Variants in FBXL7 observed in about 807,000 individuals in gnomAD.
FBXL7 encodes the protein F-box/LRR-repeat protein 7.
In FBXL7, 12 loss-of-function variants were observed where a neutral mutation model predicts 38.3. That is an observed-to-expected ratio of 0.31 (90% CI 0.20 to 0.51). The LOEUF (loss-of-function observed/expected upper bound fraction) is 0.51. Among genes scored for constraint, FBXL7 ranks in the 20% least tolerant of loss-of-function variants. The probability of loss-of-function intolerance (pLI) is 0.98; values close to 1 mark genes in which losing one functional copy is unlikely to be tolerated. For synonymous variants in FBXL7, 297 were observed against 300.9 expected, an observed-to-expected ratio of 0.99 and a Z score of 0.13; for missense variants, 567 against 676.4, an observed-to-expected ratio of 0.84 and a Z score of 1.79.
chr5:15,585,471 G>T (rs968981299), intron 1 of FBXL7, among the ~76,000 whole-genome samples: 1 of 152,152 alleles, frequency 6.6e-6, no homozygotes, highest in Admixed American at 6.5e-5. Context: ...AGAATGAACC[G>T]TTCAAAATTA....
intron 1 of FBXL7, among the ~76,000 whole-genome samples, chr5:15,548,138 GATCTA>G (rs1737970052): frequency 6.6e-6 from 1 of 152,126 alleles, no homozygotes. Flanking sequence ...TTCATTAACT[GATCTA>G]TTACCTTATA....
intron 2 of FBXL7, among the ~76,000 whole-genome samples, chr5:15,831,144 G>C (rs1051720714): frequency 2.6e-5 from 4 of 152,200 alleles, no homozygotes; most frequent in African/African-American, 9.7e-5. Flanking sequence ...TGGGACTGCA[G>C]CAGTCTTCTC....
chr5:15,630,747 A>G (rs889343039), intron 2 of FBXL7, among the ~76,000 whole-genome samples: 1 of 152,156 alleles, frequency 6.6e-6, no homozygotes, highest in Non-Finnish European at 1.5e-5. Flanking sequence ...GAAATTTACA[A>G]AGGTCTAAAA....
At chr5:15,875,106 G>A (rs1271455900) in intron 2 of FBXL7, among the ~76,000 whole-genome samples, 10 of 150,504 alleles carry the variant, frequency 6.6e-5, no homozygotes, top group South Asian at 2.1e-4. Context: ...CAGAAATAAC[G>A]TCACACATCT....
chr5:15,747,491 G>A (rs1338315028), intron 2 of FBXL7, among the ~76,000 whole-genome samples: 1 of 152,106 alleles, frequency 6.6e-6, no homozygotes, highest in Admixed American at 6.5e-5. Context: ...GGGTCAACCT[G>A]GCCATTAAAG....
intron 2 of FBXL7, among the ~76,000 whole-genome samples, chr5:15,849,020 C>G (rs965122078): frequency 6.6e-6 from 1 of 152,206 alleles, no homozygotes; most frequent in Non-Finnish European, 1.5e-5. Context: ...GTTCTTAGCG[C>G]TTAATGTATA....
At chr5:15,877,610 T>C (rs932884748) in intron 2 of FBXL7, among the ~76,000 whole-genome samples, 1 of 152,142 alleles carries the variant, frequency 6.6e-6, no homozygotes, top group African/African-American at 2.4e-5. Flanking sequence ...GAGCCATCTC[T>C]CTGTAGGTAG....
chr5:15,833,343 T>C (rs1487899136), intron 2 of FBXL7, among the ~76,000 whole-genome samples: 1 of 152,190 alleles, frequency 6.6e-6, no homozygotes, highest in Non-Finnish European at 1.5e-5. Context: ...ATAAGGGCAC[T>C]CGTCTCATTC....
rs143528181 is a variant in FBXL7 at position 15,916,636 on chromosome 5, A to G, written c.128-11254A>G. On this transcript the variant is annotated intron_variant, in intron 2 of 3. Coordinates refer to ENST00000504595, the MANE Select transcript of FBXL7 (RefSeq NM_012304.5). ...AAAAATTTCAAGGAGAATGCAGTCT[A>G]CCATATCCGAGGAAAACAAATTTCA... Among the ~76,000 whole-genome samples the G allele has an allele frequency of 2.8e-3, 421 of 152,360 alleles. 3 individuals carry two copies. The highest frequency in any genetic ancestry group is 9.5e-3 in the African/African-American group (397 of 41,582).
intron 1 of FBXL7, among the ~76,000 whole-genome samples, chr5:15,539,813 C>A (rs1335201692): frequency 2.6e-5 from 4 of 151,812 alleles, no homozygotes; most frequent in Non-Finnish European, 5.9e-5. Flanking sequence ...GATTATTCTT[C>A]TAAAAACTCT....
At chr5:15,540,836 C>A (rs976940717) in intron 1 of FBXL7, among the ~76,000 whole-genome samples, 8 of 151,974 alleles carry the variant, frequency 5.3e-5, no homozygotes, top group African/African-American at 1.9e-4. Context: ...GGGCACTGAT[C>A]CCATTCATGA....
chr5:15,733,510 G>T (rs1735668543), intron 2 of FBXL7, among the ~76,000 whole-genome samples: 1 of 152,178 alleles, frequency 6.6e-6, no homozygotes, highest in Non-Finnish European at 1.5e-5. Context: ...TATTCATTTA[G>T]TATGCCATGA....
At chr5:15,843,758 A>G (rs1738812989) in intron 2 of FBXL7, among the ~76,000 whole-genome samples, 1 of 151,998 alleles carries the variant, frequency 6.6e-6, no homozygotes, top group Non-Finnish European at 1.5e-5. Context: ...AAAACCCAAG[A>G]AGGTGTCAGA....
At position 15,854,322 on chromosome 5, in the gene FBXL7, G is replaced by GA. The variant is rs534111984; in HGVS notation, c.128-73560dup. Among the ~76,000 whole-genome samples, 146 of 151,924 alleles carry GA rather than the reference G, an allele frequency of 9.6e-4. 4 individuals carry two copies. The highest frequency in any genetic ancestry group is 3.4e-3 in the African/African-American group (142 of 41,416). ...ATAATTAATAGGTCAGCCTAAAGGT[G>GA]AAAAAAAATCAAATTCCAAAAATAT... On this transcript the variant is annotated intron_variant, in intron 2 of 3. Coordinates refer to ENST00000504595, the MANE Select transcript of FBXL7 (RefSeq NM_012304.5).
intron 1 of FBXL7, among the ~76,000 whole-genome samples, chr5:15,613,561 G>T (rs765450423): frequency 2.6e-5 from 4 of 152,186 alleles, no homozygotes; most frequent in African/African-American, 4.8e-5. Context: ...AGCAATGGGT[G>T]ATAGTGAGAG....
At chr5:15,715,884 T>C (rs993304006) in intron 2 of FBXL7, among the ~76,000 whole-genome samples, 1 of 152,228 alleles carries the variant, frequency 6.6e-6, no homozygotes, top group Non-Finnish European at 1.5e-5. Flanking sequence ...TTAAGGTTTT[T>C]ACCTGTAAAC....
chr5:15,894,315 T>C (rs577963716), intron 2 of FBXL7, among the ~76,000 whole-genome samples: 17 of 152,298 alleles, frequency 1.1e-4, no homozygotes, highest in African/African-American at 4.1e-4. Context: ...TCAGTCCCAG[T>C]AACAGAAGGG....
At chr5:15,815,761 C>G (rs1054881746) in intron 2 of FBXL7, among the ~76,000 whole-genome samples, 5 of 152,114 alleles carry the variant, frequency 3.3e-5, no homozygotes, top group African/African-American at 1.2e-4. Flanking sequence ...GTAGCCTGTA[C>G]TAAATCAAAT....
intron 2 of FBXL7, among the ~76,000 whole-genome samples, chr5:15,752,060 G>A (rs887117127): frequency 2.0e-5 from 3 of 152,174 alleles, no homozygotes; most frequent in African/African-American, 4.8e-5. Flanking sequence ...ATTTCATGTC[G>A]ATCTTCAGAA....
Sources: gnomAD v4.1 joint callset for allele counts (sites outside exome capture counted in the v4.1 genomes callset) on GRCh38, gnomAD v4.1.1 for gene constraint, MANE v1.5 for transcripts, NCBI Gene and HGNC (gene_info 2026-07-23, HGNC 2026-07-21) for gene names.